Variants in SLC2A9 observed in about 807,000 individuals in gnomAD.
SLC2A9 encodes the protein solute carrier family 2 member 9.
SLC2A9 carries 39 observed loss-of-function variants against 50.6 expected under a neutral mutation model. That is an observed-to-expected ratio of 0.77 (90% CI 0.60 to 1.01). The LOEUF (loss-of-function observed/expected upper bound fraction) is 1.01. Ranked by LOEUF, SLC2A9 falls within the 50% of genes least tolerant of loss-of-function variation. The probability of loss-of-function intolerance (pLI) is 0.00; values close to 1 mark genes in which losing one functional copy is unlikely to be tolerated. For synonymous variants in SLC2A9, 324 were observed against 276.9 expected, an observed-to-expected ratio of 1.17 and a Z score of -1.69; for missense variants, 686 against 677.6, an observed-to-expected ratio of 1.01 and a Z score of -0.14.
At chr4:10,023,104 G>A (rs1391967984), upstream of SLC2A9, among the ~76,000 whole-genome samples, 1 of 152,222 alleles carries the variant, frequency 6.6e-6, no homozygotes, top group African/African-American at 2.4e-5. Context: ...GTGTGGAGGA[G>A]GCACCACATC....
chr4:9,819,542 A>C (rs1257166219), intron 3 of SLC2A9, among the ~76,000 whole-genome samples: 1 of 152,178 alleles, frequency 6.6e-6, no homozygotes, highest in South Asian at 2.1e-4. Flanking sequence ...AATGCTCTTC[A>C]TGTATTTTTG....
chr4:9,959,701 A>G (rs1751938843), intron 5 of SLC2A9, among the ~76,000 whole-genome samples: 1 of 152,160 alleles, frequency 6.6e-6, no homozygotes, highest in African/African-American at 2.4e-5. Flanking sequence ...TTTAAGACAA[A>G]GATTAGTTGA....
intron 1 of SLC2A9, among the ~76,000 whole-genome samples, chr4:10,031,038 G>C (rs1029652174): frequency 2.0e-5 from 3 of 152,330 alleles, no homozygotes; most frequent in African/African-American, 4.8e-5. Context: ...CTGCCTTTCA[G>C]GGGGCTTAGA....
intron 3 of SLC2A9, among the ~76,000 whole-genome samples, chr4:9,815,378 A>T (rs1487933917): frequency 1.3e-5 from 2 of 152,186 alleles, no homozygotes; most frequent in Non-Finnish European, 2.9e-5. Context: ...GCATGGATTG[A>T]GTTTAGGTTT....
At chr4:9,933,633 T>TG (rs1746541644) in intron 6 of SLC2A9, among the ~76,000 whole-genome samples, 1 of 152,200 alleles carries the variant, frequency 6.6e-6, no homozygotes, top group Non-Finnish European at 1.5e-5. Context: ...AAGGTAATGG[T>TG]TGCCATGTAC....
intron 3 of SLC2A9, among the ~76,000 whole-genome samples, chr4:9,821,035 C>T (rs767261073): frequency 1.3e-4 from 20 of 152,092 alleles, no homozygotes; most frequent in African/African-American, 3.4e-4. Flanking sequence ...TTTAGTTTTG[C>T]GCCACTAAAT....
At chr4:10,011,634 T>C (rs1447916800) in intron 2 of SLC2A9, among the ~76,000 whole-genome samples, 1 of 152,088 alleles carries the variant, frequency 6.6e-6, no homozygotes, top group Admixed American at 6.5e-5. Context: ...AGCCCTAAAT[T>C]TGGCAGTCTT....
chr4:9,790,000 T>C (rs1719696964), intron 3 of SLC2A9, among the ~76,000 whole-genome samples: 1 of 152,202 alleles, frequency 6.6e-6, no homozygotes, highest in Admixed American at 6.5e-5. Flanking sequence ...TCTCATGCAA[T>C]CATTGCAATA....
chr4:9,845,249 G>A (rs552499556), intron 10 of SLC2A9, among the ~76,000 whole-genome samples: 81 of 151,950 alleles, frequency 5.3e-4, no homozygotes, highest in Admixed American at 1.9e-3. Context: ...TCCTGACCTC[G>A]TGATCCGCCT....
chr4:9,797,789 C>T (rs1206034359), downstream of SLC2A9, among the ~76,000 whole-genome samples: 4 of 152,202 alleles, frequency 2.6e-5, no homozygotes, highest in African/African-American at 7.2e-5. Context: ...CTCCATGATC[C>T]TACAATTTTT....
intron 11 of SLC2A9, among the ~76,000 whole-genome samples, chr4:9,832,618 A>C (rs535285695): frequency 2.0e-5 from 3 of 152,358 alleles, no homozygotes; most frequent in South Asian, 4.1e-4. Context: ...GCCCACAGGC[A>C]TAAGAAAAGG....
chr4:9,937,157 CTCTAAA>C (rs1254725616), intron 6 of SLC2A9, among the ~76,000 whole-genome samples: 1 of 152,180 alleles, frequency 6.6e-6, no homozygotes, highest in Non-Finnish European at 1.5e-5. Context: ...CTAAGCAATT[CTCTAAA>C]TCTAAAGTGA....
chr4:9,857,227 T>G (rs1730872555), intron 10 of SLC2A9, among the ~76,000 whole-genome samples: 1 of 152,158 alleles, frequency 6.6e-6, no homozygotes, highest in Non-Finnish European at 1.5e-5. Context: ...ATTCCTGTGA[T>G]TTGAGGCCAT....
At chr4:9,882,576 G>A (rs1440260310) in intron 10 of SLC2A9, among the ~76,000 whole-genome samples, 1 of 152,090 alleles carries the variant, frequency 6.6e-6, no homozygotes, top group Non-Finnish European at 1.5e-5. Context: ...AGGCGTGATG[G>A]TGGACGCCTG....
chr4:9,907,454 G>A (rs1740892323), intron 8 of SLC2A9, among the ~76,000 whole-genome samples: 1 of 152,224 alleles, frequency 6.6e-6, no homozygotes, highest in Admixed American at 6.5e-5. Flanking sequence ...TTGAGAAACA[G>A]TGAGGAGCTC....
chr4:9,869,361 A>G (rs1412371874), intron 10 of SLC2A9, among the ~76,000 whole-genome samples: 1 of 152,184 alleles, frequency 6.6e-6, no homozygotes, highest in Non-Finnish European at 1.5e-5. Context: ...AGTTCTACAC[A>G]TTAAGGCCTT....
intron 5 of SLC2A9, among the ~76,000 whole-genome samples, chr4:9,945,871 C>G (rs1249706755): frequency 6.6e-6 from 1 of 152,224 alleles, no homozygotes; most frequent in African/African-American, 2.4e-5. Flanking sequence ...ATTGAAGGAG[C>G]AAATCAGCGT....
intron 10 of SLC2A9, among the ~76,000 whole-genome samples, chr4:9,860,786 C>A (rs1731490507): frequency 1.3e-5 from 2 of 152,358 alleles, no homozygotes; most frequent in South Asian, 4.1e-4. Context: ...GATATCACAA[C>A]CCCGGGAAGT....
chr4:9,889,762 C>T (rs140568661), intron 9 of SLC2A9, among the ~76,000 whole-genome samples: 98 of 152,322 alleles, frequency 6.4e-4, no homozygotes, highest in Non-Finnish European at 1.1e-3. Context: ...TGCAACCTTG[C>T]TTCACGCTTC....
Sources: allele counts gnomAD v4.1 joint callset (sites outside exome capture counted in the v4.1 genomes callset), GRCh38; gene constraint gnomAD v4.1.1; transcripts MANE v1.5; gene names NCBI Gene and HGNC (gene_info 2026-07-23, HGNC 2026-07-21).